The following WDR27 variants were observed in gnomAD, a reference collection of about 807,000 sequenced individuals.
WDR27 encodes the protein WD repeat-containing protein 27.
A neutral mutation model predicts 114.4 loss-of-function variants in WDR27; 100 were observed. The observed-to-expected ratio is 0.87, with a 90% CI of 0.74 to 1.03. The LOEUF (loss-of-function observed/expected upper bound fraction) is 1.03, where lower values mean the gene tolerates loss of function less well. Ranked by LOEUF, WDR27 falls within the 50% of genes least tolerant of loss-of-function variation. The pLI, the probability that WDR27 is intolerant of heterozygous loss-of-function variation, is 0.00. For synonymous variants in WDR27, 449 were observed against 423.1 expected (o/e 1.06, Z -0.75); for missense variants, 1,129 against 1,092.9 (o/e 1.03, Z -0.47).
intron 21 of WDR27, among the ~76,000 whole-genome samples, chr6:169,619,278 C>T (rs939464073): frequency 2.0e-5 from 3 of 152,250 alleles, no homozygotes; most frequent in African/African-American, 4.8e-5. Flanking sequence ...AGGAACAAAG[C>T]GAGGCACATC....
chr6:169,601,095 C>T lies in WDR27; in HGVS notation c.2424+1124G>A, dbSNP rs1282350273. On this transcript the variant is annotated intron_variant, in intron 23 of 25. Transcript: ENST00000448612. The stretch of plus-strand genomic sequence containing the variant: ...GGGTTACCCACAAAGGGAAGCCCAT[C>T]AGACTAACAGCTGATCTCTCGGGAG... Among the ~76,000 whole-genome samples the T allele has an allele frequency of 2.0e-5, 3 of 152,172 alleles. No homozygotes were observed. The East Asian group carries it at 5.8e-4, about 29-fold the overall frequency.
At chr6:169,454,330 G>A (rs1784269548), downstream of WDR27, among the ~76,000 whole-genome samples, 1 of 152,060 alleles carries the variant, frequency 6.6e-6, no homozygotes, top group African/African-American at 2.4e-5. Context: ...ATTTCTTGGT[G>A]GTCCTGTCAA....
At position 169,691,585 on chromosome 6, in the gene WDR27, T is replaced by A. The variant is rs1784518702; in HGVS notation, c.-7-2573A>T. ...AAGAATACATAAAAAATTATAGTTG[T>A]TTCAAAAATGCTAATAATACACTCA... is the stretch of plus-strand genomic sequence containing the variant. On this transcript the variant is annotated intron_variant, in intron 1 of 25. Transcript: ENST00000448612. Among the ~76,000 whole-genome samples, 4 of 152,354 alleles carry A rather than the reference T, an allele frequency of 2.6e-5. 1 individual carries two copies. In the Middle Eastern group the frequency reaches 0.014, roughly 518 times the overall value.
chr6:169,656,967 C>G (rs1157777481), intron 13 of WDR27, among the ~76,000 whole-genome samples: 1 of 152,192 alleles, frequency 6.6e-6, no homozygotes, highest in Non-Finnish European at 1.5e-5. Context: ...CCGCCTCCCC[C>G]CGGCCTTCAT....
chr6:169,462,167 A>C (rs1050736019), intron 25 of WDR27, among the ~76,000 whole-genome samples: 4 of 151,926 alleles, frequency 2.6e-5, no homozygotes, highest in African/African-American at 9.7e-5. Context: ...GAAAAATCTT[A>C]GGCTGGGCAC....
At chr6:169,441,042 T>TA in the WDR27 span, among the ~76,000 whole-genome samples, 19 of 152,334 alleles carry the variant, frequency 1.2e-4, no homozygotes, top group South Asian at 3.3e-3. Context: ...CTAATCTTTG[T>TA]AAAAATCAGT....
intron 25 of WDR27, among the ~76,000 whole-genome samples, chr6:169,504,084 TA>T (rs1554274847): frequency 6.7e-6 from 1 of 149,128 alleles, no homozygotes; most frequent in Non-Finnish European, 1.5e-5. Flanking sequence ...GATAAAAAGA[TA>T]GATGAACAGT....
chr6:169,495,522 A>G (rs374718295), intron 25 of WDR27, among the ~76,000 whole-genome samples: 1 of 27,626 alleles, frequency 3.6e-5, no homozygotes, highest in Non-Finnish European at 1.2e-4. Flanking sequence ...CTTTGAAAAG[A>G]TAAAAAAAAA....
At chr6:169,487,922 A>G (rs773359758) in intron 25 of WDR27, among the ~76,000 whole-genome samples, 1 of 152,212 alleles carries the variant, frequency 6.6e-6, no homozygotes, top group Non-Finnish European at 1.5e-5. Flanking sequence ...ATTGAAAATT[A>G]TCCTAACAGC....
At chr6:169,586,359 C>A (rs1377429154) in intron 23 of WDR27, among the ~76,000 whole-genome samples, 1 of 152,196 alleles carries the variant, frequency 6.6e-6, no homozygotes, top group East Asian at 1.9e-4. Flanking sequence ...ATGGTGCAAT[C>A]TTTCCAGATT....
At chr6:169,445,134 C>G in the WDR27 span, among the ~76,000 whole-genome samples, 1 of 152,208 alleles carries the variant, frequency 6.6e-6, no homozygotes, top group Non-Finnish European at 1.5e-5. Context: ...AAATACCAAA[C>G]TCACTGTAGG....
At chr6:169,538,913 G>A (rs150512913) in intron 25 of WDR27, among the ~76,000 whole-genome samples, 42 of 152,168 alleles carry the variant, frequency 2.8e-4, no homozygotes, top group African/African-American at 8.4e-4. Flanking sequence ...TAAATGTGTA[G>A]GCCATATAGT....
At chr6:169,697,201 T>C (rs1786345645) in intron 1 of WDR27, among the ~76,000 whole-genome samples, 1 of 152,168 alleles carries the variant, frequency 6.6e-6, no homozygotes, top group Non-Finnish European at 1.5e-5. Context: ...AATCATAACC[T>C]AGGAAAAACC....
chr6:169,699,667 G>C (rs1297444298), intron 1 of WDR27, among the ~76,000 whole-genome samples: 1 of 152,110 alleles, frequency 6.6e-6, no homozygotes, highest in African/African-American at 2.4e-5. Flanking sequence ...GGAGGAAAAG[G>C]ACTAAGGGTA....
intron 25 of WDR27, among the ~76,000 whole-genome samples, chr6:169,500,321 G>A (rs188610891): frequency 6.6e-6 from 1 of 152,234 alleles, no homozygotes; most frequent in East Asian, 1.9e-4. Flanking sequence ...TCCAAATGAG[G>A]TCTGTACTAA....
At chr6:169,519,269 C>A (rs1257591627) in intron 25 of WDR27, among the ~76,000 whole-genome samples, 5 of 152,180 alleles carry the variant, frequency 3.3e-5, no homozygotes, top group African/African-American at 1.2e-4. Flanking sequence ...GATATCTTCA[C>A]AGCAATATCC....
At position 169,516,474 on chromosome 6, in the gene WDR27, G is replaced by A. The variant is rs146869814; in HGVS notation, c.2645+55945C>T. Among the ~76,000 whole-genome samples the A allele has an allele frequency of 2.9e-3, 434 of 152,186 alleles. 3 individuals are homozygous for A. Among genetic ancestry groups the A allele is most frequent in the African/African-American group, 9.8e-3 (407 of 41,510 alleles). ...AACTCCTCCAGAACTCCTCCAGGGG[G>A]GCTAATTCTGCTGCGGTGGGGAATG... On this transcript the variant is annotated intron_variant, in intron 25 of 25. Coordinates refer to ENST00000448612, the MANE Select transcript of WDR27 (RefSeq NM_182552.5).
At chr6:169,643,841 C>A in intron 16 of WDR27, 55 bp from the exon 17 acceptor site, 1 of 1,429,198 alleles carries the variant, frequency 7.0e-7, no homozygotes, top group South Asian at 1.2e-5. Flanking sequence ...TCATAGGAGT[C>A]ACACTGTAGA....
intron 1 of WDR27, among the ~76,000 whole-genome samples, chr6:169,692,827 C>A (rs1016385083): frequency 6.6e-6 from 1 of 152,198 alleles, no homozygotes; most frequent in Non-Finnish European, 1.5e-5. Context: ...CTGCCCCCAT[C>A]TGATGGTTTG....
Sources: allele counts gnomAD v4.1 joint callset (sites outside exome capture counted in the v4.1 genomes callset), GRCh38; gene constraint gnomAD v4.1.1; transcripts MANE v1.5; gene names NCBI Gene and HGNC (gene_info 2026-07-23, HGNC 2026-07-21).